Variants in COL23A1 observed in about 807,000 individuals in gnomAD.
The protein encoded by COL23A1 is collagen alpha-1(XXIII) chain.
In COL23A1, 97 loss-of-function variants were observed where a neutral mutation model predicts 99.3. The observed-to-expected ratio is 0.98, with a 90% CI of 0.83 to 1.16. The LOEUF (loss-of-function observed/expected upper bound fraction) is 1.16. Among genes scored for constraint, COL23A1 ranks in the 50% most tolerant of loss-of-function variants. The probability of loss-of-function intolerance (pLI) is 0.00; values close to 1 mark genes in which losing one functional copy is unlikely to be tolerated. For synonymous variants in COL23A1, 320 were observed against 308.2 expected (o/e 1.04, Z -0.40); for missense variants, 762 against 757.4 (o/e 1.01, Z -0.07).
chr5:178,547,209 G>GCCAGCACC (rs1416254990), intron 2 of COL23A1, among the ~76,000 whole-genome samples: 20 of 151,996 alleles, frequency 1.3e-4, no homozygotes, highest in Admixed American at 2.6e-4. Context: ...TCTGATTCAC[G>GCCAGCACC]CCAGCACCGA....
intron 2 of COL23A1, among the ~76,000 whole-genome samples, chr5:178,379,707 C>T (rs540495307): frequency 1.6e-4 from 24 of 152,000 alleles, no homozygotes; most frequent in Non-Finnish European, 3.4e-4. Context: ...CATGGAGAAA[C>T]CTTGTCTCTA....
intron 2 of COL23A1, among the ~76,000 whole-genome samples, chr5:178,480,321 G>A (rs1440432078): frequency 6.6e-6 from 1 of 152,154 alleles, no homozygotes; most frequent in East Asian, 1.9e-4. Flanking sequence ...GGACTCTGGA[G>A]GTCCTAATCC....
Position 178,256,955 on chromosome 5 carries a change from G to A in COL23A1, c.775-27C>T, listed in dbSNP as rs955930895. 17 of 1,610,772 alleles carry A rather than the reference G, an allele frequency of 1.1e-5. No individual in the cohort carries two copies. The Admixed American group carries it at 1.2e-4, about 11-fold the overall frequency. On this transcript the variant is annotated intron_variant, in intron 13 of 28. Coordinates refer to ENST00000390654, the MANE Select transcript of COL23A1 (RefSeq NM_173465.4). Reference sequence around the variant, plus strand: ...TGAAACAGACACAGCTGCAGTGAGAGCAAGTGTGAGACGGCACGTGGCGGG... The same window carrying A: ...TGAAACAGACACAGCTGCAGTGAGAACAAGTGTGAGACGGCACGTGGCGGG...
rs902589773 is a variant in COL23A1, at chr5:178,439,723, A to G, written c.361+120959T>C. The G allele has an allele frequency of 2.6e-5, 4 of 152,206 alleles. No individual in the cohort carries two copies. The highest frequency in any genetic ancestry group is 9.6e-5 in the African/African-American group (4 of 41,454). The allele number at this position is 152,206 out of a possible 1,614,324, so 9.4% of individuals were successfully genotyped here. ...TAGGATCTCCCCGGGAGAAATGAAA[A>G]CATACGTCCATACAACTCAGATGCA... On this transcript the variant is annotated intron_variant, in intron 2 of 28. Transcript: ENST00000390654. This position sits in a 1 kb window ranked among gnomAD's most constrained non-coding sequence, Gnocchi z 4.2.
chr5:178,289,981 A>G (rs1344146601), intron 4 of COL23A1, among the ~76,000 whole-genome samples: 1 of 152,168 alleles, frequency 6.6e-6, no homozygotes, highest in Non-Finnish European at 1.5e-5. Flanking sequence ...CCCAGGCTGG[A>G]GTGCAGTGGT....
intron 2 of COL23A1, among the ~76,000 whole-genome samples, chr5:178,417,258 A>AGAC (rs1765361912): frequency 6.6e-6 from 1 of 152,206 alleles, no homozygotes; most frequent in African/African-American, 2.4e-5. Flanking sequence ...GGATGTAAAC[A>AGAC]GACACACTCA....
At chr5:178,457,256 C>T (rs1193506962) in intron 2 of COL23A1, among the ~76,000 whole-genome samples, 1 of 152,172 alleles carries the variant, frequency 6.6e-6, no homozygotes, top group Non-Finnish European at 1.5e-5. Context: ...CTCTGTCGCC[C>T]AGGCTGGAGT....
rs1763086230 is a variant in COL23A1 at position 178,376,665 on chromosome 5, G to A, written c.362-69746C>T. 1.3e-5 allele frequency among the ~76,000 whole-genome samples: 2 copies of A among 152,238 alleles called. 1 individual carries two copies. Among genetic ancestry groups the A allele is most frequent in the East Asian group, 3.8e-4 (2 of 5,196 alleles). On this transcript the variant is annotated intron_variant, in intron 2 of 28. Transcript: ENST00000390654. Reference sequence around the variant, plus strand: ...AGAGAAATCGGAAGCTCTGAAAGGTGAGGGAACATGCCCAAGGCCACACAG... The same window carrying A: ...AGAGAAATCGGAAGCTCTGAAAGGTAAGGGAACATGCCCAAGGCCACACAG...
chr5:178,261,683 C>A, intron 11 of COL23A1, 39 bp downstream of exon 11: 4 of 1,548,206 alleles, frequency 2.6e-6, no homozygotes, highest in Non-Finnish European at 3.6e-6. Context: ...TCCATCCCAC[C>A]AGATCTGGGG....
chr5:178,352,665 T>A (rs1761395927), intron 2 of COL23A1, among the ~76,000 whole-genome samples: 1 of 152,232 alleles, frequency 6.6e-6, no homozygotes, highest in Non-Finnish European at 1.5e-5. Context: ...TCTCGTGGCC[T>A]AATAGACAAT....
intron 2 of COL23A1, among the ~76,000 whole-genome samples, chr5:178,393,375 G>T (rs1764068641): frequency 6.6e-6 from 1 of 152,174 alleles, no homozygotes; most frequent in African/African-American, 2.4e-5. Flanking sequence ...CCAGGGCTGT[G>T]GGGAGGAGGA....
intron 2 of COL23A1, among the ~76,000 whole-genome samples, chr5:178,405,215 C>CTGA (rs1764697179): frequency 6.6e-6 from 1 of 152,230 alleles, no homozygotes; most frequent in Non-Finnish European, 1.5e-5. Flanking sequence ...AACCACAGCC[C>CTGA]GGCTCTGAGG....
chr5:178,343,022 A>G (rs1760756524), intron 2 of COL23A1, among the ~76,000 whole-genome samples: 1 of 152,250 alleles, frequency 6.6e-6, no homozygotes, highest in African/African-American at 2.4e-5. Flanking sequence ...TGAGTACCGA[A>G]GTGAACACTG....
intron 1 of COL23A1, among the ~76,000 whole-genome samples, chr5:178,575,608 G>A (rs1030741239): frequency 3.3e-5 from 5 of 152,154 alleles, no homozygotes; most frequent in Middle Eastern, 3.2e-3. Flanking sequence ...GATGGGCAGT[G>A]GCAAAGCTGG....
intron 2 of COL23A1, among the ~76,000 whole-genome samples, chr5:178,371,145 A>G (rs1762780633): frequency 6.6e-6 from 1 of 152,232 alleles, no homozygotes; most frequent in Admixed American, 6.5e-5. Context: ...CCATATAGAC[A>G]ATGTTTGTCA....
intron 5 of COL23A1, among the ~76,000 whole-genome samples, chr5:178,276,443 T>G (rs1396758292): frequency 6.6e-6 from 1 of 152,220 alleles, no homozygotes; most frequent in Non-Finnish European, 1.5e-5. Flanking sequence ...ACCAGGATTA[T>G]CAGGCCAGGA....
intron 2 of COL23A1, chr5:178,344,923 G>T (rs1760877089): frequency 1.4e-6 from 1 of 698,438 alleles, no homozygotes; most frequent in Non-Finnish European, 2.5e-6. Flanking sequence ...GAGAATTTGG[G>T]TCTCGATCCA....
chr5:178,416,367 G>T (rs1765310418), intron 2 of COL23A1, among the ~76,000 whole-genome samples: 1 of 152,182 alleles, frequency 6.6e-6, no homozygotes, highest in African/African-American at 2.4e-5. Context: ...CCTCCATCGT[G>T]GCTGACCGGA....
rs972551357 is a variant in COL23A1, at chr5:178,544,773, C to G, written c.361+15909G>C. Among the ~76,000 whole-genome samples the G allele has an allele frequency of 1.3e-5, 2 of 152,108 alleles. No homozygotes were observed. Among genetic ancestry groups the G allele is most frequent in the Non-Finnish European group, 2.9e-5 (2 of 68,012 alleles). On this transcript the variant is annotated intron_variant, in intron 2 of 28. Coordinates refer to ENST00000390654, the MANE Select transcript of COL23A1 (RefSeq NM_173465.4). The surrounding 1 kb of genome is among the most constrained non-coding windows in gnomAD (Gnocchi z 4.4). ...CTGCCCCCGTGCCACTGGGGTAGTA[C>G]GTTCGGGCCAGACGTGGTGGCTCAT...
Sources: allele counts gnomAD v4.1 joint callset (sites outside exome capture counted in the v4.1 genomes callset), GRCh38; gene constraint gnomAD v4.1.1; non-coding constraint Gnocchi (gnomAD v3.1); transcripts MANE v1.5; gene names NCBI Gene and HGNC (gene_info 2026-07-23, HGNC 2026-07-21).